Variants in XPO1 observed in about 807,000 individuals in gnomAD.
XPO1 encodes exportin-1.
In XPO1, 5 loss-of-function variants were observed where a neutral mutation model predicts 133.3. That is an observed-to-expected ratio of 0.04 (90% CI 0.02 to 0.08). The LOEUF is 0.08. Ranked by LOEUF, XPO1 falls within the 10% of genes least tolerant of loss-of-function variation. The pLI, the probability that XPO1 is intolerant of heterozygous loss-of-function variation, is 1.00. For synonymous variants in XPO1, 419 were observed against 408.2 expected, an observed-to-expected ratio of 1.03 and a Z score of -0.32; for missense variants, 506 against 1,267.5, an observed-to-expected ratio of 0.40 and a Z score of 9.12.
At chr2:61,525,477 TGAA>T in intron 3 of XPO1, 1 of 1,008,088 alleles carries the variant, frequency 9.9e-7, no homozygotes, top group East Asian at 7.3e-5. Context: ...TTATGTAAAT[TGAA>T]GAATTCTTTA....
chr2:61,488,834 G>T (rs1696818413), intron 17 of XPO1, 63 bp from the exon 18 acceptor site: 3 of 1,559,834 alleles, frequency 1.9e-6, no homozygotes, highest in Non-Finnish European at 2.6e-6. Context: ...GGGAACAGTG[G>T]CTCACGCCTG....
chr2:61,526,430 A>G lies in XPO1; in HGVS notation c.218T>C (p.Met73Thr). Reference sequence around the variant, plus strand: ...CCACCACTTGCTTACTTTCGTATTCATATTCTGAGAAAATTCCAAAATTGT... The same window carrying G: ...CCACCACTTGCTTACTTTCGTATTCGTATTCTGAGAAAATTCCAAAATTGT... ...VDTILEFSQN[M>T]NTKYYGLQIL... The change falls in exon 3 of 25, where the codon ATG (methionine) becomes ACG (threonine). Residue 73 changes from methionine (M) to threonine (T), a missense_variant. Met to Thr is a moderately conservative substitution (Grantham distance 81). Coordinates refer to ENST00000401558, the MANE Select transcript of XPO1 (RefSeq NM_003400.4). 6.2e-7 allele frequency: 1 copy of G among 1,609,024 alleles called. No individual in the cohort carries two copies. The highest frequency in any genetic ancestry group is 8.5e-7 in the Non-Finnish European group (1 of 1,178,780).
intron 6 of XPO1, among the ~76,000 whole-genome samples, chr2:61,501,559 T>C (rs766466026): frequency 6.6e-6 from 1 of 151,584 alleles, no homozygotes; most frequent in Non-Finnish European, 1.5e-5. Context: ...CTGTCTCTAC[T>C]AAAAATACAA....
intron 4 of XPO1, among the ~76,000 whole-genome samples, chr2:61,508,006 G>A (rs1279305016): frequency 6.6e-6 from 1 of 151,988 alleles, no homozygotes; most frequent in African/African-American, 2.4e-5. Context: ...ACTTAGCACT[G>A]GTACAATCTA....
At chr2:61,513,121 C>T (rs1033097335) in intron 4 of XPO1, among the ~76,000 whole-genome samples, 1 of 152,100 alleles carries the variant, frequency 6.6e-6, no homozygotes, top group African/African-American at 2.4e-5. Flanking sequence ...GTGGCATGAT[C>T]TCGGCTCACT....
chr2:61,487,267 T>C (rs1483547141), intron 19 of XPO1, among the ~76,000 whole-genome samples: 1 of 152,206 alleles, frequency 6.6e-6, no homozygotes, highest in East Asian at 1.9e-4. Flanking sequence ...CCCTTTGTAT[T>C]ATTCCCACTG....
chr2:61,479,018 GAA>G (rs940640226), intron 24 of XPO1, 52 bp from the exon 25 acceptor site: 1 of 1,581,512 alleles, frequency 6.3e-7, no homozygotes, highest in African/African-American at 1.4e-5. Context: ...AACTTGCAAA[GAA>G]AGAAATCATA....
At chr2:61,503,723 ACACC>A in intron 4 of XPO1, among the ~76,000 whole-genome samples, 1 of 151,626 alleles carries the variant, frequency 6.6e-6, no homozygotes, top group African/African-American at 2.4e-5. Context: ...TGCGCCCAGC[ACACC>A]CAGCTACTTT....
chr2:61,481,299 A>G lies in XPO1; in HGVS notation c.2973-18T>C, dbSNP rs766873569. The G allele has an allele frequency of 5.8e-6, 9 of 1,564,200 alleles. No homozygotes were observed. In the African/African-American group the frequency reaches 9.6e-5, roughly 17 times the overall value. The stretch of plus-strand genomic sequence containing the variant: ...CTTGAGCACTGCAAATCAAAACACA[A>G]TGATTAAATAATGATTTATTTTTCC... On this transcript the variant is annotated intron_variant, in intron 23 of 24. Coordinates refer to ENST00000401558, the MANE Select transcript of XPO1 (RefSeq NM_003400.4).
In XPO1 at chr2:61,502,418, G is replaced by C. The variant is rs1489895926; in HGVS notation, c.302-108C>G. The C allele has an allele frequency of 2.8e-6, 3 of 1,067,204 alleles. No individual in the cohort carries two copies. In the East Asian group the frequency reaches 7.5e-5, roughly 27 times the overall value. 66.1% of individuals were successfully genotyped at this position (1,067,204 alleles called of 1,614,324 possible). On this transcript the variant is annotated intron_variant, in intron 4 of 24. Coordinates refer to ENST00000401558, the MANE Select transcript of XPO1 (RefSeq NM_003400.4). ...GGAATGGAAAGACTAAGTAAAATCAGTTAATATACTCTAATCCTGTCACCA... is the reference window on the plus strand; with the variant it reads ...GGAATGGAAAGACTAAGTAAAATCACTTAATATACTCTAATCCTGTCACCA...
chr2:61,486,986 CTTT>C (rs879523625), intron 19 of XPO1, among the ~76,000 whole-genome samples: 1 of 143,078 alleles, frequency 7.0e-6, no homozygotes, highest in Admixed American at 7.0e-5. Flanking sequence ...ACTTCTTGTT[CTTT>C]TTTTTTTTTT....
chr2:61,488,484 A>G, intron 18 of XPO1, 104 bp downstream of exon 18: 1 of 1,280,828 alleles, frequency 7.8e-7, no homozygotes, highest in South Asian at 1.4e-5. Flanking sequence ...GGGAAATGGG[A>G]GGTCTGATTT....
rs56213841 is a variant in XPO1, at chr2:61,500,578, C to CAAAAAAAAAAAAAAAAAAAAAA, written c.409-685_409-684insTTTTTTTTTTTTTTTTTTTTTT. On this transcript the variant is annotated intron_variant, in intron 6 of 24. Coordinates refer to ENST00000401558, the MANE Select transcript of XPO1 (RefSeq NM_003400.4). ...TGGGCAACAGGATGAGACTCCATCT[C>CAAAAAAAAAAAAAAAAAAAAAA]AAAAAAAAAAAAAAAAAAAAGAGCA... Among the ~76,000 whole-genome samples, 2 of 40,412 alleles carry CAAAAAAAAAAAAAAAAAAAAAA rather than the reference C, an allele frequency of 4.9e-5. 1 individual carries two copies. The highest frequency in any genetic ancestry group is 2.7e-4 in the African/African-American group (2 of 7,436). The allele number at this position is 40,412 out of a possible 152,430, so 26.5% of individuals were successfully genotyped here. A position where few individuals can be genotyped will look rare whatever the true frequency, so the allele number is the denominator to read the frequency against.
At chr2:61,518,791 C>A (rs1280357335) in intron 4 of XPO1, among the ~76,000 whole-genome samples, 5 of 152,154 alleles carry the variant, frequency 3.3e-5, no homozygotes, top group African/African-American at 1.2e-4. Context: ...AATAGACACA[C>A]ACTTACGGCC....
chr2:61,488,126 T>C, intron 19 of XPO1, 39 bp downstream of exon 19: 1 of 1,556,288 alleles, frequency 6.4e-7, no homozygotes. Context: ...AAACACAGCA[T>C]CAACACTAGA....
intron 4 of XPO1, among the ~76,000 whole-genome samples, chr2:61,522,281 T>C (rs1239345665): frequency 6.6e-6 from 1 of 152,148 alleles, no homozygotes; most frequent in African/African-American, 2.4e-5. Flanking sequence ...GGTATAGAAC[T>C]CCCAGACTCA....
intron 3 of XPO1, 81 bp downstream of exon 3, chr2:61,526,339 A>C (rs1698903750): frequency 1.3e-6 from 2 of 1,507,636 alleles, no homozygotes; most frequent in Non-Finnish European, 8.8e-7. Flanking sequence ...ACAAATGCTA[A>C]TACTAAAAAT....
chr2:61,502,568 C>A, intron 4 of XPO1: 1 of 317,392 alleles, frequency 3.2e-6, no homozygotes, highest in South Asian at 3.6e-5. Context: ...GCATGACCAA[C>A]ATGGTGAAAC....
chr2:61,508,548 G>C (rs1697936323), intron 4 of XPO1, among the ~76,000 whole-genome samples: 1 of 152,166 alleles, frequency 6.6e-6, no homozygotes, highest in East Asian at 1.9e-4. Context: ...TAAACCTCAA[G>C]CTAACTTAGA....
Sources: gnomAD v4.1 joint callset for allele counts (sites outside exome capture counted in the v4.1 genomes callset) on GRCh38, gnomAD v4.1.1 for gene constraint, MANE v1.5 for transcripts, NCBI Gene and HGNC (gene_info 2026-07-23, HGNC 2026-07-21) for gene names.